GNA14: variants seen among roughly 807,000 people sequenced by gnomAD.
GNA14 encodes G protein subunit alpha 14.
A neutral mutation model predicts 42.0 loss-of-function variants in GNA14; 50 were observed. The observed-to-expected ratio is 1.19, with a 90% CI of 0.95 to 1.51. GNA14 has a LOEUF of 1.51. Ranked by LOEUF, GNA14 falls within the 40% of genes most tolerant of loss-of-function variation. The pLI, the probability that GNA14 is intolerant of heterozygous loss-of-function variation, is 0.00. For missense variants in GNA14, 473 were observed against 446.2 expected (o/e 1.06, Z -0.54); for synonymous variants, 173 against 163.1 (o/e 1.06, Z -0.46).
chr9:77,581,004 A>G (rs375217447), intron 1 of GNA14, among the ~76,000 whole-genome samples: 57 of 29,400 alleles, frequency 1.9e-3, no homozygotes, highest in African/African-American at 4.5e-3. Context: ...CAATAAAGGC[A>G]CACACACACA....
chr9:77,496,667 G>T (rs900898636), intron 2 of GNA14, among the ~76,000 whole-genome samples: 2 of 152,186 alleles, frequency 1.3e-5, no homozygotes, highest in African/African-American at 4.8e-5. Context: ...CATTCTTTCA[G>T]CCAAGAGGGA....
chr9:77,486,141 C>G (rs1163831438), intron 2 of GNA14, among the ~76,000 whole-genome samples: 1 of 152,236 alleles, frequency 6.6e-6, no homozygotes, highest in Admixed American at 6.5e-5. Flanking sequence ...GGTGTAGCCA[C>G]TTTCATCAAT....
At position 77,534,287 on chromosome 9, in the gene GNA14, G is replaced by A. The variant is rs114384841; in HGVS notation, c.125-5034C>T. Among the ~76,000 whole-genome samples the A allele has an allele frequency of 3.6e-3, 542 of 152,100 alleles. 4 individuals are homozygous for A. Among genetic ancestry groups the A allele is most frequent in the African/African-American group, 0.012 (516 of 41,480 alleles). The stretch of plus-strand genomic sequence containing the variant: ...GGAGATTCCTCCACTCTTCTCTCTC[G>A]AGTCTTCCGAAATTCTACCCATGAA... On this transcript the variant is annotated intron_variant, in intron 1 of 6. Coordinates refer to ENST00000341700, the MANE Select transcript of GNA14 (RefSeq NM_004297.4).
At chr9:77,441,394 G>A (rs984480725) in intron 2 of GNA14, among the ~76,000 whole-genome samples, 2 of 152,162 alleles carry the variant, frequency 1.3e-5, no homozygotes, top group Non-Finnish European at 2.9e-5. Context: ...TGCCACGGTT[G>A]TAAGTTTCCT....
intron 1 of GNA14, among the ~76,000 whole-genome samples, chr9:77,647,445 T>C (rs905940274): frequency 2.0e-5 from 3 of 152,136 alleles, no homozygotes; most frequent in South Asian, 4.1e-4. Context: ...CTATCCTGTT[T>C]TGGGGCAGGG....
intron 2 of GNA14, among the ~76,000 whole-genome samples, chr9:77,501,498 C>G (rs1486685873): frequency 6.6e-6 from 1 of 152,114 alleles, no homozygotes; most frequent in Non-Finnish European, 1.5e-5. Context: ...ATCTGTATAT[C>G]TTCTTCACCG....
intron 3 of GNA14, among the ~76,000 whole-genome samples, chr9:77,432,593 C>A (rs1835575469): frequency 6.6e-6 from 1 of 152,134 alleles, no homozygotes; most frequent in African/African-American, 2.4e-5. Flanking sequence ...AAACCGCTGG[C>A]CCAGATGGAG....
intron 1 of GNA14, among the ~76,000 whole-genome samples, chr9:77,581,385 C>T (rs901605628): frequency 6.6e-6 from 1 of 152,198 alleles, no homozygotes; most frequent in African/African-American, 2.4e-5. Context: ...AATCTTCTAA[C>T]CTCTCTGTGC....
At chr9:77,625,374 T>C (rs1219910269) in intron 1 of GNA14, among the ~76,000 whole-genome samples, 1 of 151,974 alleles carries the variant, frequency 6.6e-6, no homozygotes, top group African/African-American at 2.4e-5. Flanking sequence ...CAGGCCAACA[T>C]TCAAATTCAG....
intron 1 of GNA14, among the ~76,000 whole-genome samples, chr9:77,555,183 G>A (rs1587828542): frequency 6.6e-6 from 1 of 152,164 alleles, no homozygotes; most frequent in African/African-American, 2.4e-5. Context: ...AGGGAGTAAA[G>A]TCTAACACTT....
chr9:77,446,298 T>C (rs1835816753), intron 2 of GNA14, among the ~76,000 whole-genome samples: 1 of 152,228 alleles, frequency 6.6e-6, no homozygotes, highest in Non-Finnish European at 1.5e-5. Context: ...TTGCAGTAAT[T>C]CAACAAAACA....
At chr9:77,473,071 C>A (rs923821690) in intron 2 of GNA14, among the ~76,000 whole-genome samples, 1 of 152,116 alleles carries the variant, frequency 6.6e-6, no homozygotes, top group South Asian at 2.1e-4. Context: ...AGAACAGCAT[C>A]AAAGAGGAAT....
intron 6 of GNA14, among the ~76,000 whole-genome samples, chr9:77,424,956 A>T (rs183892454): frequency 3.2e-4 from 49 of 152,246 alleles, no homozygotes; most frequent in African/African-American, 1.1e-3. Flanking sequence ...GACCTCCTGT[A>T]CCAGAAACAA....
intron 2 of GNA14, among the ~76,000 whole-genome samples, chr9:77,497,131 AC>A (rs149798922): frequency 0.057 from 8,719 of 152,120 alleles, 280 homozygotes; most frequent in Middle Eastern, 0.096. Context: ...TCCTTTCCAT[AC>A]CTTAGAAGAA....
At chr9:77,509,297 C>T (rs1292148731) in intron 2 of GNA14, among the ~76,000 whole-genome samples, 3 of 152,122 alleles carry the variant, frequency 2.0e-5, no homozygotes, top group Non-Finnish European at 4.4e-5. Flanking sequence ...TTTTTGAGGC[C>T]GAATCATATT....
chr9:77,598,829 G>GC (rs1470658336), intron 1 of GNA14, among the ~76,000 whole-genome samples: 1 of 152,124 alleles, frequency 6.6e-6, no homozygotes, highest in Non-Finnish European at 1.5e-5. Flanking sequence ...GTCTTTAGGA[G>GC]CCCCCAATTA....
At chr9:77,620,848 CAAAA>C (rs35141766) in intron 1 of GNA14, among the ~76,000 whole-genome samples, 9 of 74,042 alleles carry the variant, frequency 1.2e-4, no homozygotes, top group African/African-American at 2.9e-4. Context: ...AATCTTGTCT[CAAAA>C]AAAAAAAAAA....
At chr9:77,612,993 A>G (rs1240634404) in intron 1 of GNA14, among the ~76,000 whole-genome samples, 1 of 152,204 alleles carries the variant, frequency 6.6e-6, no homozygotes, top group African/African-American at 2.4e-5. Flanking sequence ...TGAATGGATA[A>G]AGAAAATGTG....
At position 77,506,794 on chromosome 9, in the gene GNA14, CA is replaced by C. The variant is rs144489848; in HGVS notation, c.309+22274del. ...AACCATCCACATTTCAAAGACTGAACAGCCACATGGGGCTAGTCACTACCAT... is the reference window on the plus strand; with the variant it reads ...AACCATCCACATTTCAAAGACTGAACGCCACATGGGGCTAGTCACTACCAT... On this transcript the variant is annotated intron_variant, in intron 2 of 6. Coordinates refer to ENST00000341700, the MANE Select transcript of GNA14 (RefSeq NM_004297.4). Among the ~76,000 whole-genome samples the C allele has an allele frequency of 6.7e-4, 102 of 152,324 alleles. No homozygotes were observed. In the East Asian group the frequency reaches 0.019, roughly 28 times the overall value.
Sources: allele counts gnomAD v4.1 joint callset (sites outside exome capture counted in the v4.1 genomes callset), GRCh38; gene constraint gnomAD v4.1.1; transcripts MANE v1.5; gene names NCBI Gene and HGNC (gene_info 2026-07-23, HGNC 2026-07-21).